RPS6KC1: variants seen among roughly 807,000 people sequenced by gnomAD.
The protein encoded by RPS6KC1 is ribosomal protein S6 kinase C1, also known as inactive ribosomal protein S6 kinase delta-1.
In RPS6KC1, 54 loss-of-function variants were observed where a neutral mutation model predicts 103.8. The ratio of observed to expected loss-of-function variants is 0.52; its 90% CI spans 0.42 to 0.65. The LOEUF (loss-of-function observed/expected upper bound fraction) is 0.65, where lower values mean the gene tolerates loss of function less well. Among genes scored for constraint, RPS6KC1 ranks in the 30% least tolerant of loss-of-function variants. RPS6KC1 has a pLI of 0.00. For missense variants in RPS6KC1, 1,151 were observed against 1,253.8 expected, an observed-to-expected ratio of 0.92 and a Z score of 1.24; for synonymous variants, 439 against 438.7, an observed-to-expected ratio of 1.00 and a Z score of -0.01.
the RPS6KC1 span, among the ~76,000 whole-genome samples, chr1:213,653,153 T>G: frequency 2.6e-4 from 40 of 152,304 alleles, no homozygotes; most frequent in East Asian, 4.1e-3. Context: ...GAATAGAAGA[T>G]AATTTAAGAA....
the RPS6KC1 span, among the ~76,000 whole-genome samples, chr1:213,442,428 T>C: frequency 1.3e-5 from 2 of 152,154 alleles, no homozygotes; most frequent in Non-Finnish European, 2.9e-5. Flanking sequence ...TAAAATAATA[T>C]AGTCTAGCAG....
At chr1:213,126,778 C>T (rs2085037992) in intron 5 of RPS6KC1, among the ~76,000 whole-genome samples, 1 of 152,128 alleles carries the variant, frequency 6.6e-6, no homozygotes, top group Non-Finnish European at 1.5e-5. Flanking sequence ...GGAACACAGC[C>T]ATGCTTATTC....
the RPS6KC1 span, among the ~76,000 whole-genome samples, chr1:213,352,046 G>A: frequency 3.9e-5 from 6 of 152,084 alleles, no homozygotes; most frequent in Non-Finnish European, 7.4e-5. Flanking sequence ...GAGTTTTGGG[G>A]AAAAGGGCTA....
the RPS6KC1 span, among the ~76,000 whole-genome samples, chr1:213,520,493 C>A: frequency 6.6e-6 from 1 of 152,116 alleles, no homozygotes; most frequent in Non-Finnish European, 1.5e-5. Context: ...GGGGACACAG[C>A]CAAACCATAT....
At chr1:213,749,278 C>T in the RPS6KC1 span, among the ~76,000 whole-genome samples, 2 of 152,280 alleles carry the variant, frequency 1.3e-5, no homozygotes, top group South Asian at 2.1e-4. Flanking sequence ...GAAGGACAGC[C>T]ATGTGCATGG....
the RPS6KC1 span, among the ~76,000 whole-genome samples, chr1:213,440,242 A>T: frequency 6.6e-6 from 1 of 152,298 alleles, no homozygotes; most frequent in African/African-American, 2.4e-5. Context: ...GCACTATAAA[A>T]ACAAAAGTAG....
At chr1:213,657,749 A>G in the RPS6KC1 span, among the ~76,000 whole-genome samples, 1 of 152,136 alleles carries the variant, frequency 6.6e-6, no homozygotes. Flanking sequence ...GGTTGGTGCT[A>G]TTTTTTGCTG....
At chr1:213,155,063 G>C (rs938268990) in intron 6 of RPS6KC1, among the ~76,000 whole-genome samples, 5 of 152,278 alleles carry the variant, frequency 3.3e-5, no homozygotes, top group South Asian at 4.1e-4. Flanking sequence ...ACTAGGACCT[G>C]GAATAGGGAC....
At chr1:213,803,634 CA>C in the RPS6KC1 span, among the ~76,000 whole-genome samples, 4 of 152,046 alleles carry the variant, frequency 2.6e-5, no homozygotes, top group African/African-American at 7.2e-5. Context: ...ATGGCAGGGT[CA>C]GGGGTGGCGA....
chr1:213,224,387 T>C (rs1023029544), intron 8 of RPS6KC1, among the ~76,000 whole-genome samples: 1 of 152,178 alleles, frequency 6.6e-6, no homozygotes, highest in Non-Finnish European at 1.5e-5. Flanking sequence ...TTCCCCCAGT[T>C]AGGAGCAGTT....
At chr1:213,359,244 A>C in the RPS6KC1 span, among the ~76,000 whole-genome samples, 1 of 152,186 alleles carries the variant, frequency 6.6e-6, no homozygotes, top group East Asian at 1.9e-4. Context: ...GTGCTCCTGT[A>C]CTGGGTGCAT....
At chr1:213,142,203 T>G (rs1041172387) in intron 6 of RPS6KC1, among the ~76,000 whole-genome samples, 6 of 152,116 alleles carry the variant, frequency 3.9e-5, no homozygotes, top group African/African-American at 1.4e-4. Context: ...ACCCTGCTCT[T>G]TTTTGTTTTC....
At chr1:213,832,854 G>C in the RPS6KC1 span, among the ~76,000 whole-genome samples, 1 of 152,122 alleles carries the variant, frequency 6.6e-6, no homozygotes, top group Non-Finnish European at 1.5e-5. Context: ...TAAAGTCTTG[G>C]CCTGCAGTGA....
the RPS6KC1 span, among the ~76,000 whole-genome samples, chr1:213,476,494 T>C: frequency 6.6e-6 from 1 of 152,312 alleles, no homozygotes; most frequent in South Asian, 2.1e-4. Flanking sequence ...AGCTGAAGAA[T>C]TGCACCTCCC....
the RPS6KC1 span, among the ~76,000 whole-genome samples, chr1:213,560,721 T>G: frequency 1.3e-5 from 2 of 152,168 alleles, no homozygotes; most frequent in Non-Finnish European, 2.9e-5. Flanking sequence ...TTTTTTACTC[T>G]GTGATAGAAA....
chr1:213,757,372 C>T, the RPS6KC1 span, among the ~76,000 whole-genome samples: 7 of 152,142 alleles, frequency 4.6e-5, no homozygotes, highest in African/African-American at 1.2e-4. Flanking sequence ...AGCAAAATGG[C>T]GTGATTGCTG....
At chr1:213,735,681 G>A in the RPS6KC1 span, among the ~76,000 whole-genome samples, 1 of 152,136 alleles carries the variant, frequency 6.6e-6, no homozygotes. Flanking sequence ...AAATGAAGGG[G>A]GAGGAGGAAA....
intron 14 of RPS6KC1, among the ~76,000 whole-genome samples, chr1:213,271,048 C>T (rs1040428918): frequency 4.6e-5 from 7 of 152,178 alleles, no homozygotes; most frequent in African/African-American, 1.4e-4. Context: ...AACATAAGCT[C>T]ATTATGTGAC....
At chr1:213,055,825 A>G (rs543599234) in intron 1 of RPS6KC1, among the ~76,000 whole-genome samples, 2 of 152,352 alleles carry the variant, frequency 1.3e-5, no homozygotes, top group Admixed American at 6.5e-5. Flanking sequence ...AACATAATAT[A>G]TCTCCTCATT....
Sources: allele counts gnomAD v4.1 joint callset (sites outside exome capture counted in the v4.1 genomes callset), GRCh38; gene constraint gnomAD v4.1.1; transcripts MANE v1.5; gene names NCBI Gene and HGNC (gene_info 2026-07-23, HGNC 2026-07-21).